The following ANXA2 variants were observed in gnomAD, a reference collection of about 807,000 sequenced individuals.
ANXA2 encodes the protein annexin II.
ANXA2 carries 28 observed loss-of-function variants against 47.3 expected under a neutral mutation model. The ratio of observed to expected loss-of-function variants is 0.59; its 90% CI spans 0.44 to 0.81. The LOEUF (loss-of-function observed/expected upper bound fraction) is 0.81. Among genes scored for constraint, ANXA2 ranks in the 40% least tolerant of loss-of-function variants. The probability of loss-of-function intolerance (pLI) is 0.00; values close to 1 mark genes in which losing one functional copy is unlikely to be tolerated. For synonymous variants in ANXA2, 172 were observed against 155.5 expected, an observed-to-expected ratio of 1.11 and a Z score of -0.79; for missense variants, 384 against 414.3, an observed-to-expected ratio of 0.93 and a Z score of 0.64.
At position 60,357,134 on chromosome 15, in the gene ANXA2, C is replaced by G. The variant is rs1310295268; in HGVS notation, c.448+12G>C. 1 of 1,612,598 alleles carries G rather than the reference C, an allele frequency of 6.2e-7. No homozygotes were observed. The highest frequency in any genetic ancestry group is 1.3e-5 in the African/African-American group (1 of 74,894). ...GGCTGAGAGGATGAATCACAGAAATCAAGCTACTCACTTTCCTTGTAGACT... is the reference window on the plus strand; with the variant it reads ...GGCTGAGAGGATGAATCACAGAAATGAAGCTACTCACTTTCCTTGTAGACT... On this transcript the variant is annotated intron_variant, in intron 6 of 12. Transcript: ENST00000451270.
At chr15:60,373,694 T>TTCTC (rs2062739919) in intron 3 of ANXA2, among the ~76,000 whole-genome samples, 1 of 152,134 alleles carries the variant, frequency 6.6e-6, no homozygotes, top group South Asian at 2.1e-4. Context: ...GGCACATTAG[T>TTCTC]TCTCTTCCTA....
rs2062358699 is a variant in ANXA2 at position 60,352,089 on chromosome 15, C to CATAGGAA, written c.683-277_683-271dup. On this transcript the variant is annotated intron_variant, in intron 9 of 12. Transcript: ENST00000451270. This position sits in a 1 kb window ranked among gnomAD's most constrained non-coding sequence, Gnocchi z 4.2. ...AGTGGAACCCATTCCATCCGAAAACCATAGGAAACAGTACAGAGCATGCAC... is the reference window on the plus strand; with the variant it reads ...AGTGGAACCCATTCCATCCGAAAACCATAGGAAATAGGAAACAGTACAGAGCATGCAC... Among the ~76,000 whole-genome samples, 1 of 152,140 alleles carries CATAGGAA rather than the reference C, an allele frequency of 6.6e-6. No individual in the cohort carries two copies. Among genetic ancestry groups the CATAGGAA allele is most frequent in the Non-Finnish European group, 1.5e-5 (1 of 68,024 alleles).
In ANXA2 at chr15:60,352,241, G is replaced by A. The variant is rs1034418829; in HGVS notation, c.682+142C>T. ...AAAGAATCCAGAATGGGAGAGAAAG[G>A]TGAGGGAAAATGGGTGAGCCTATGA... is the stretch of plus-strand genomic sequence containing the variant. On this transcript the variant is annotated intron_variant, in intron 9 of 12. Transcript: ENST00000451270. The surrounding 1 kb of genome is among the most constrained non-coding windows in gnomAD (Gnocchi z 4.2). The A allele has an allele frequency of 1.1e-4, 66 of 583,330 alleles. No homozygotes were observed. Among genetic ancestry groups the A allele is most frequent in the South Asian group, 1.2e-4 (5 of 40,986 alleles). 36.1% of individuals were successfully genotyped at this position (583,330 alleles called of 1,614,324 possible).
At chr15:60,360,344 T>G (rs2062495377) in intron 5 of ANXA2, among the ~76,000 whole-genome samples, 1 of 152,204 alleles carries the variant, frequency 6.6e-6, no homozygotes, top group Non-Finnish European at 1.5e-5. Flanking sequence ...TTTACTTAAT[T>G]TAACCTAAAA....
At chr15:60,361,969 A>C (rs1476257459) in intron 4 of ANXA2, among the ~76,000 whole-genome samples, 14 of 151,440 alleles carry the variant, frequency 9.2e-5, no homozygotes, top group Admixed American at 9.2e-4. Flanking sequence ...TGTGGCATCT[A>C]CAAAGCTTAG....
chr15:60,362,134 T>C (rs1169992092), intron 4 of ANXA2, among the ~76,000 whole-genome samples: 1 of 152,066 alleles, frequency 6.6e-6, no homozygotes, highest in African/African-American at 2.4e-5. Flanking sequence ...CTTCCCAATG[T>C]CCCGGGAACA....
chr15:60,378,702 A>G (rs951943554), intron 3 of ANXA2, among the ~76,000 whole-genome samples: 1 of 152,236 alleles, frequency 6.6e-6, no homozygotes, highest in Non-Finnish European at 1.5e-5. Context: ...GCGGTGTCTC[A>G]TACCTGTAAT....
At chr15:60,388,034 A>T (rs1228510964) in intron 1 of ANXA2, among the ~76,000 whole-genome samples, 3 of 152,042 alleles carry the variant, frequency 2.0e-5, no homozygotes, top group Non-Finnish European at 4.4e-5. Flanking sequence ...CTAAAAATAC[A>T]AAAATTAGCT....
chr15:60,361,636 C>T (rs1272345955), intron 4 of ANXA2: 3 of 152,826 alleles, frequency 2.0e-5, no homozygotes, highest in Non-Finnish European at 4.4e-5. Flanking sequence ...TCCTTGTCCA[C>T]ACCAAACTCG....
At chr15:60,385,119 T>C (rs1222874311) in intron 2 of ANXA2, among the ~76,000 whole-genome samples, 2 of 152,206 alleles carry the variant, frequency 1.3e-5, no homozygotes, top group African/African-American at 2.4e-5. Flanking sequence ...ATATTTCCTA[T>C]GAAAGAAAAT....
chr15:60,376,399 C>T (rs777205601), intron 3 of ANXA2, among the ~76,000 whole-genome samples: 4 of 150,944 alleles, frequency 2.6e-5, no homozygotes, highest in Non-Finnish European at 4.4e-5. Context: ...AAAAAGAAGA[C>T]GACGACGACA....
intron 1 of ANXA2, among the ~76,000 whole-genome samples, chr15:60,388,586 ATT>A (rs1020272867): frequency 7.7e-6 from 1 of 129,296 alleles, no homozygotes; most frequent in Admixed American, 7.8e-5. Context: ...TCCTTTTTCC[ATT>A]TTTTTTCCTT....
Position 60,347,304 on chromosome 15 carries a change from A to C in ANXA2, c.*326T>G. The C allele has an allele frequency of 2.8e-6, 1 of 352,354 alleles. No homozygotes were observed. Among genetic ancestry groups the C allele is most frequent in the Non-Finnish European group, 5.2e-6 (1 of 191,450 alleles). The allele number at this position is 352,354 out of a possible 1,614,324, so 21.8% of individuals were successfully genotyped here. A position where few individuals can be genotyped will look rare whatever the true frequency, so the allele number is the denominator to read the frequency against. The stretch of plus-strand genomic sequence containing the variant: ...AGCACGTTTAATTTTCAAACAATTC[A>C]GTTGAAAGCAGGGCCACAAAGTACG... On this transcript the variant is annotated 3_prime_UTR_variant, in exon 13 of 13. Transcript: ENST00000451270.
chr15:60,351,599 T>G lies in ANXA2; in HGVS notation c.778+125A>C, dbSNP rs1595660975. ...TCTGAAATCTATACAATTAAGACTG[T>G]AAAACTATCCAAAGCATGCATAGAA... On this transcript the variant is annotated intron_variant, in intron 10 of 12. Coordinates refer to ENST00000451270, the MANE Select transcript of ANXA2 (RefSeq NM_004039.3). The G allele has an allele frequency of 8.4e-6, 6 of 715,938 alleles. No individual in the cohort carries two copies. The East Asian group carries it at 1.5e-4, about 18-fold the overall frequency. The allele number at this position is 715,938 out of a possible 1,614,324, so 44.3% of individuals were successfully genotyped here.
chr15:60,377,891 G>A (rs889549964), intron 3 of ANXA2, among the ~76,000 whole-genome samples: 4 of 151,904 alleles, frequency 2.6e-5, no homozygotes, highest in Non-Finnish European at 2.9e-5. Flanking sequence ...AGTGCGAGAC[G>A]AGCCTGGCCA....
chr15:60,372,019 C>T (rs2062717269), intron 3 of ANXA2, among the ~76,000 whole-genome samples: 1 of 152,050 alleles, frequency 6.6e-6, no homozygotes. Flanking sequence ...CTTGGTGGCA[C>T]ATGCGTGTAA....
chr15:60,366,403 G>T (rs1262098457), intron 3 of ANXA2, among the ~76,000 whole-genome samples: 1 of 150,362 alleles, frequency 6.7e-6, no homozygotes, highest in Admixed American at 6.6e-5. Flanking sequence ...GAAGTGAGGA[G>T]CATCTCTGCG....
chr15:60,393,042 T>C (rs1429038343), intron 1 of ANXA2: 2 of 1,287,812 alleles, frequency 1.6e-6, no homozygotes, highest in Admixed American at 2.3e-5. Context: ...CAGAACCTTT[T>C]TGAAAGCAGA....
chr15:60,384,991 T>G (rs964351539), intron 2 of ANXA2, among the ~76,000 whole-genome samples: 6 of 152,256 alleles, frequency 3.9e-5, no homozygotes, highest in African/African-American at 1.4e-4. Context: ...TTTTACATAT[T>G]CATAATTTAT....
Sources: allele counts gnomAD v4.1 joint callset (sites outside exome capture counted in the v4.1 genomes callset), GRCh38; gene constraint gnomAD v4.1.1; non-coding constraint Gnocchi (gnomAD v3.1); transcripts MANE v1.5; gene names NCBI Gene and HGNC (gene_info 2026-07-23, HGNC 2026-07-21).